The following TPM4 variants were observed in gnomAD, a reference collection of about 807,000 sequenced individuals.
The protein encoded by TPM4 is tropomyosin alpha-4 chain.
In TPM4, 17 loss-of-function variants were observed where a neutral mutation model predicts 35.8. The ratio of observed to expected loss-of-function variants is 0.47; its 90% CI spans 0.32 to 0.71. The LOEUF is 0.71. TPM4 is among the 30% of genes least tolerant of loss of function. TPM4 has a pLI of 0.03. For synonymous variants in TPM4, 120 were observed against 122.9 expected, an observed-to-expected ratio of 0.98 and a Z score of 0.15; for missense variants, 240 against 320.9, an observed-to-expected ratio of 0.75 and a Z score of 1.93.
intron 7 of TPM4, among the ~76,000 whole-genome samples, chr19:16,096,610 C>T (rs1287421279): frequency 1.3e-5 from 2 of 152,078 alleles, no homozygotes; most frequent in African/African-American, 4.8e-5. Flanking sequence ...TGGGGCTTCC[C>T]GTGGCTTTAC....
chr19:16,097,044 C>T (rs139318298), intron 7 of TPM4, among the ~76,000 whole-genome samples: 1 of 142,998 alleles, frequency 7.0e-6, no homozygotes, highest in Non-Finnish European at 1.5e-5. Flanking sequence ...ACCTCCGCCT[C>T]CTGGGTTCAA....
Position 16,102,287 on chromosome 19 carries a change from C to T in TPM4, c.*941C>T, listed in dbSNP as rs548057673. The T allele has an allele frequency of 1.9e-4, 37 of 192,686 alleles. No individual in the cohort carries two copies. Among genetic ancestry groups the T allele is most frequent in the Non-Finnish European group, 3.4e-4 (31 of 92,210 alleles). The allele number at this position is 192,686 out of a possible 1,614,324, so 11.9% of individuals were successfully genotyped here. On this transcript the variant is annotated 3_prime_UTR_variant, in exon 8 of 8. Coordinates refer to ENST00000643579, the MANE Select transcript of TPM4 (RefSeq NM_003290.3). ...CCAGGAAGTGGAGACTGCAGTGAGC[C>T]GATATCGCACCACAGCGCTCCAGCC...
chr19:16,067,990 G>C lies in TPM4; in HGVS notation c.114+252G>C, dbSNP rs911944315. ...GAGTTTGACAGAGAGAGAGTTGGCG[G>C]GGGAGGGAGAGTGAGAACGTTCGTG... On this transcript the variant is annotated intron_variant, in intron 2 of 2. Coordinates refer to the TPM4 transcript ENST00000589897. This position sits in a 1 kb window ranked among gnomAD's most constrained non-coding sequence, Gnocchi z 4.1. 2.2e-5 allele frequency: 11 copies of C among 497,126 alleles called. No individual in the cohort carries two copies. Among genetic ancestry groups the C allele is most frequent in the Middle Eastern group, 5.0e-4 (1 of 1,986 alleles). 30.8% of individuals were successfully genotyped at this position (497,126 alleles called of 1,614,324 possible).
chr19:16,080,786 G>A (rs1568302767), intron 1 of TPM4: 1 of 342,982 alleles, frequency 2.9e-6, no homozygotes, highest in African/African-American at 2.1e-5. Context: ...TCCAGCCTTG[G>A]TGACGGCGCA....
chr19:16,100,441 C>T (rs2090751039), intron 7 of TPM4: 1 of 152,230 alleles, frequency 6.6e-6, no homozygotes, highest in Admixed American at 6.5e-5. Flanking sequence ...TAACTGGGCG[C>T]CCTGCATTTT....
rs55714667 is a variant in TPM4 at position 16,078,830 on chromosome 19, TAA to T, written c.132+2151_132+2152del. ...AAAGGAACTAAGACCAGGGGTGGGT[TAA>T]AAAAAAAAAAAAAAAAACCTTTCAC... is the stretch of plus-strand genomic sequence containing the variant. On this transcript the variant is annotated intron_variant, in intron 1 of 7. Transcript: ENST00000643579. 8.7e-4 allele frequency among the ~76,000 whole-genome samples: 110 copies of T among 126,290 alleles called. No homozygotes were observed. In the Middle Eastern group the frequency reaches 0.012, roughly 14 times the overall value. The allele number at this position is 126,290 out of a possible 152,430, so 82.9% of individuals were successfully genotyped here.
chr19:16,076,677 G>T lies in TPM4; in HGVS notation c.112G>T (p.Glu38Ter). 1 of 1,375,808 alleles carries T rather than the reference G, an allele frequency of 7.3e-7. No individual in the cohort carries two copies. Among genetic ancestry groups the T allele is most frequent in the Non-Finnish European group, 9.4e-7 (1 of 1,066,124 alleles). 85.2% of individuals were successfully genotyped at this position (1,375,808 alleles called of 1,614,324 possible). The change falls in exon 1 of 8, where the codon GAG becomes TAG. Residue 38 changes from glutamate (E) to a stop codon, truncating the protein, a stop_gained. Coordinates refer to ENST00000643579, the MANE Select transcript of TPM4 (RefSeq NM_003290.3). LOFTEE classifies it high-confidence loss of function. The part of the protein sequence containing the change: ...AQGLQRELDG[E>*]RERREKAEGD... Reference sequence around the variant, plus strand: ...GGGCCTGCAGCGGGAGCTGGACGGCGAGCGCGAGCGGCGCGAGAAAGTGAG... The same window carrying T: ...GGGCCTGCAGCGGGAGCTGGACGGCTAGCGCGAGCGGCGCGAGAAAGTGAG...
At chr19:16,080,715 G>T (rs774379439) in intron 1 of TPM4, 2 of 270,806 alleles carry the variant, frequency 7.4e-6, no homozygotes, top group Non-Finnish European at 1.4e-5. Context: ...AGGAGGCTGA[G>T]GCAGAATTGC....
upstream of TPM4, chr19:16,075,600 A>C (rs1019964651): frequency 3.8e-5 from 6 of 157,664 alleles, no homozygotes; most frequent in African/African-American, 1.4e-4. Flanking sequence ...TTTGTTAGAA[A>C]GTTTCTCTGA....
At chr19:16,086,128 T>C (rs2090548490) in intron 2 of TPM4, among the ~76,000 whole-genome samples, 1 of 145,996 alleles carries the variant, frequency 6.8e-6, no homozygotes, top group Non-Finnish European at 1.5e-5. Context: ...ATCTTTGCAG[T>C]GTGTTACAGT....
At chr19:16,093,628 G>C (rs1376402576) in intron 6 of TPM4, 30 bp downstream of exon 6, 6 of 1,614,094 alleles carry the variant, frequency 3.7e-6, no homozygotes, top group Middle Eastern at 3.3e-4. Context: ...GCGAGCTCTG[G>C]TTTCTCCTGG....
At chr19:16,095,379 C>T in intron 7 of TPM4, 2 of 1,034,268 alleles carry the variant, frequency 1.9e-6, no homozygotes, top group South Asian at 4.5e-5. Flanking sequence ...CTGTCCTTCT[C>T]ACATGGTGCC....
At position 16,087,948 on chromosome 19, in the gene TPM4, A is replaced by G. The variant is rs542893939; in HGVS notation, c.385-79A>G. ...GGTCTAGGGGTCTGGGTGGGGCATC[A>G]TTGGGGGCTGTCTGCAGTGGATGGG... On this transcript the variant is annotated intron_variant, in intron 3 of 7. Coordinates refer to ENST00000643579, the MANE Select transcript of TPM4 (RefSeq NM_003290.3). The G allele has an allele frequency of 5.8e-5, 86 of 1,485,764 alleles. 1 individual carries two copies. The highest frequency in any genetic ancestry group is 4.6e-6 in the Non-Finnish European group (5 of 1,084,174). 92.0% of individuals were successfully genotyped at this position (1,485,764 alleles called of 1,614,324 possible). A position where few individuals can be genotyped will look rare whatever the true frequency, so the allele number is the denominator to read the frequency against.
intron 1 of TPM4, among the ~76,000 whole-genome samples, chr19:16,079,453 T>C (rs976502179): frequency 6.6e-6 from 1 of 152,162 alleles, no homozygotes; most frequent in African/African-American, 2.4e-5. Flanking sequence ...AAGGCACCCA[T>C]TCATGGGAAG....
At chr19:16,081,207 A>C in intron 1 of TPM4, 37 of 392,646 alleles carry the variant, frequency 9.4e-5, no homozygotes, top group Admixed American at 8.9e-5. Flanking sequence ...TAAGAATCTC[A>C]CAGTGAGCCC....
At chr19:16,097,249 C>A (rs2090712258) in intron 7 of TPM4, among the ~76,000 whole-genome samples, 1 of 150,122 alleles carries the variant, frequency 6.7e-6, no homozygotes, top group African/African-American at 2.4e-5. Flanking sequence ...CCACTTTGCC[C>A]GGCCCAGGCT....
chr19:16,081,845 A>G, intron 1 of TPM4, 68 bp from the exon 2 acceptor site: 2 of 1,501,154 alleles, frequency 1.3e-6, no homozygotes, highest in Admixed American at 3.7e-5. Flanking sequence ...AGGGCAGGAC[A>G]TGGGGGAGGC....
Position 16,093,610 on chromosome 19 carries a change from G to T in TPM4, c.594+12G>T. On this transcript the variant is annotated intron_variant, in intron 6 of 7. Transcript: ENST00000643579. The stretch of plus-strand genomic sequence containing the variant: ...ACAAACTGAAAGAGGTGAGTGTGGT[G>T]GCACCCAGCGAGCTCTGGTTTCTCC... The T allele has an allele frequency of 6.2e-7, 1 of 1,614,176 alleles. No homozygotes were observed. The highest frequency in any genetic ancestry group is 2.2e-5 in the East Asian group (1 of 44,890).
At chr19:16,082,675 C>T (rs1321444850) in intron 2 of TPM4, among the ~76,000 whole-genome samples, 1 of 151,994 alleles carries the variant, frequency 6.6e-6, no homozygotes, top group Non-Finnish European at 1.5e-5. Context: ...AGCCACAGTG[C>T]CTCTTAGTGT....
Sources: allele counts gnomAD v4.1 joint callset (sites outside exome capture counted in the v4.1 genomes callset), GRCh38; gene constraint gnomAD v4.1.1; non-coding constraint Gnocchi (gnomAD v3.1); transcripts MANE v1.5; gene names NCBI Gene and HGNC (gene_info 2026-07-23, HGNC 2026-07-21).